Variants in GOLM1 observed in about 807,000 individuals in gnomAD.
GOLM1 encodes epididymis luminal protein 46.
Under a neutral mutation model 50.5 loss-of-function variants are expected in GOLM1, and 31 were observed. The ratio of observed to expected loss-of-function variants is 0.61; its 90% CI spans 0.46 to 0.83. The LOEUF (loss-of-function observed/expected upper bound fraction) is 0.83, where lower values mean the gene tolerates loss of function less well. Ranked by LOEUF, GOLM1 falls within the 40% of genes least tolerant of loss-of-function variation. GOLM1 has a pLI of 0.00. For missense variants in GOLM1, 491 were observed against 501.3 expected (o/e 0.98, Z 0.20); for synonymous variants, 178 against 192.8 (o/e 0.92, Z 0.64).
chr9:86,081,287 C>A (rs748165286), intron 1 of GOLM1, among the ~76,000 whole-genome samples: 7 of 151,334 alleles, frequency 4.6e-5, no homozygotes, highest in Non-Finnish European at 8.8e-5. Flanking sequence ...ACCTCTGCCT[C>A]CCGGGTTAAA....
intron 4 of GOLM1, among the ~76,000 whole-genome samples, chr9:86,052,223 G>C (rs1350260622): frequency 6.6e-6 from 1 of 152,068 alleles, no homozygotes; most frequent in Non-Finnish European, 1.5e-5. Flanking sequence ...AAATTAACAG[G>C]TCACATGTAT....
chr9:86,034,428 G>A (rs988876704), intron 8 of GOLM1, among the ~76,000 whole-genome samples: 3 of 152,158 alleles, frequency 2.0e-5, no homozygotes, highest in Admixed American at 6.5e-5. Context: ...CAGGCACTGT[G>A]GCATCTCAGG....
chr9:86,086,867 AG>A (rs1193632308), intron 1 of GOLM1, among the ~76,000 whole-genome samples: 1 of 152,146 alleles, frequency 6.6e-6, no homozygotes, highest in East Asian at 1.9e-4. Flanking sequence ...CTTGTGGTAC[AG>A]TTTGAAGTCA....
intron 6 of GOLM1, among the ~76,000 whole-genome samples, chr9:86,038,041 C>A (rs1442095311): frequency 6.6e-6 from 1 of 151,808 alleles, no homozygotes; most frequent in Non-Finnish European, 1.5e-5. Flanking sequence ...GTAATCCCAG[C>A]TACTCGGGAG....
intron 8 of GOLM1, among the ~76,000 whole-genome samples, chr9:86,034,364 C>T (rs916171772): frequency 2.6e-5 from 4 of 152,138 alleles, no homozygotes; most frequent in African/African-American, 4.8e-5. Flanking sequence ...ATGTGTCCAC[C>T]GCGTTTCTTC....
In GOLM1 at chr9:86,040,734, G is replaced by A. The variant is rs1249828716; in HGVS notation, c.597+5C>T. On this transcript the variant is annotated splice_donor_5th_base_variant and intron_variant, in intron 6 of 9. Coordinates refer to ENST00000388712, the MANE Select transcript of GOLM1 (RefSeq NM_016548.4). ...AGAAACTCTTGGCAAAAATTCCCCA[G>A]TTACCTGCTGTCTCTGGTCGTTGTT... The A allele has an allele frequency of 6.2e-7, 1 of 1,607,378 alleles. No individual in the cohort carries two copies. Among genetic ancestry groups the A allele is most frequent in the South Asian group, 1.1e-5 (1 of 89,518 alleles).
intron 9 of GOLM1, among the ~76,000 whole-genome samples, chr9:86,032,486 A>G (rs1012507892): frequency 6.6e-6 from 1 of 152,140 alleles, no homozygotes; most frequent in Non-Finnish European, 1.5e-5. Flanking sequence ...GAATTTTAAG[A>G]AAGAATACTA....
chr9:86,064,536 T>C lies in GOLM1; in HGVS notation c.310-11945A>G, dbSNP rs1337788359. ...AGAGCTGCCTCACTGTGCTGCCTCC[T>C]CTCTGCCCTGCTCCCCACCCAGCCC... On this transcript the variant is annotated intron_variant, in intron 3 of 9. Coordinates refer to ENST00000388712, the MANE Select transcript of GOLM1 (RefSeq NM_016548.4). 2.0e-5 allele frequency among the ~76,000 whole-genome samples: 3 copies of C among 152,226 alleles called. No individual in the cohort carries two copies. In the East Asian group the frequency reaches 5.8e-4, roughly 29 times the overall value.
intron 2 of GOLM1, 24 bp from the exon 3 acceptor site, chr9:86,077,615 G>T: frequency 6.3e-7 from 1 of 1,584,278 alleles, no homozygotes; most frequent in Non-Finnish European, 8.7e-7. Flanking sequence ...GTGGCATTAG[G>T]GCTGATGCCA....
chr9:86,037,710 G>T (rs533052723), intron 6 of GOLM1, among the ~76,000 whole-genome samples: 1 of 152,218 alleles, frequency 6.6e-6, no homozygotes, highest in South Asian at 2.1e-4. Context: ...CTGTCCTTAA[G>T]CCTGGAGACA....
chr9:86,067,339 T>C (rs1834335780), intron 3 of GOLM1, among the ~76,000 whole-genome samples: 1 of 152,252 alleles, frequency 6.6e-6, no homozygotes, highest in Admixed American at 6.5e-5. Flanking sequence ...CATTGGCTTC[T>C]ACCAAAAACT....
intron 3 of GOLM1, among the ~76,000 whole-genome samples, chr9:86,053,516 A>AC: frequency 7.1e-6 from 1 of 139,966 alleles, no homozygotes; most frequent in African/African-American, 3.0e-5. Flanking sequence ...ACTGCTCCAC[A>AC]CAACACACCA....
intron 3 of GOLM1, among the ~76,000 whole-genome samples, chr9:86,055,969 A>C (rs1833971760): frequency 9.0e-6 from 1 of 110,978 alleles, no homozygotes; most frequent in South Asian, 2.6e-4. Flanking sequence ...AAAACCGAAC[A>C]GTAAAAAAAA....
chr9:86,059,795 G>A (rs147035765), intron 3 of GOLM1, among the ~76,000 whole-genome samples: 5,742 of 151,672 alleles, frequency 0.038, 294 homozygotes, highest in East Asian at 0.27. Flanking sequence ...AGCTACTCGG[G>A]AGGCTGAGGC....
At chr9:86,033,822 T>TA (rs1340520683) in intron 8 of GOLM1, among the ~76,000 whole-genome samples, 1 of 152,176 alleles carries the variant, frequency 6.6e-6, no homozygotes, top group African/African-American at 2.4e-5. Flanking sequence ...CCCTCATACT[T>TA]AGAGCATGAG....
At chr9:86,055,971 T>TA (rs1001583665) in intron 3 of GOLM1, among the ~76,000 whole-genome samples, 6 of 103,608 alleles carry the variant, frequency 5.8e-5, no homozygotes, top group Admixed American at 8.5e-5. Context: ...AACCGAACAG[T>TA]AAAAAAAACA....
intron 4 of GOLM1, among the ~76,000 whole-genome samples, chr9:86,047,006 A>G (rs1003012425): frequency 6.6e-6 from 1 of 152,110 alleles, no homozygotes; most frequent in South Asian, 2.1e-4. Flanking sequence ...TGGTCAGATA[A>G]GCAGCCACTC....
At position 86,027,317 on chromosome 9, in the gene GOLM1, T is replaced by C. The variant is rs900548536; in HGVS notation, c.*500A>G. 2.1e-5 allele frequency: 21 copies of C among 985,936 alleles called. No individual in the cohort carries two copies. Among genetic ancestry groups the C allele is most frequent in the African/African-American group, 7.0e-5 (4 of 57,224 alleles). 61.1% of individuals were successfully genotyped at this position (985,936 alleles called of 1,614,324 possible). A position where few individuals can be genotyped will look rare whatever the true frequency, so the allele number is the denominator to read the frequency against. On this transcript the variant is annotated 3_prime_UTR_variant, in exon 10 of 10. Coordinates refer to ENST00000388712, the MANE Select transcript of GOLM1 (RefSeq NM_016548.4). ...GTGCTCTAGGCCATTGATTGATTGA[T>C]TGTCAGAATCAGAAGTGACTACACA...
In GOLM1 at chr9:86,036,370, A is replaced by C; in HGVS notation, c.735T>G (p.Asp245Glu). ...TPAPSSEVVL[D>E]SKRQVEKEET... ...TACCTTTCTCAACTTGTCTCTTTGAATCCAAAACCACTTCGGAACTGGGGG... is the reference window on the plus strand; with the variant it reads ...TACCTTTCTCAACTTGTCTCTTTGACTCCAAAACCACTTCGGAACTGGGGG... Residue 245 changes from aspartate (D) to glutamate (E), a missense_variant, in exon 7 of 10, where the codon GAT becomes GAG. By Grantham distance (45) the Asp-to-Glu change is conservative (BLOSUM62 2). Transcript: ENST00000388712. 6.2e-7 allele frequency: 1 copy of C among 1,614,206 alleles called. No individual in the cohort carries two copies.
Sources: allele counts gnomAD v4.1 joint callset (sites outside exome capture counted in the v4.1 genomes callset), GRCh38; gene constraint gnomAD v4.1.1; transcripts MANE v1.5; gene names NCBI Gene and HGNC (gene_info 2026-07-23, HGNC 2026-07-21).